RAB40B: variants seen among roughly 807,000 people sequenced by gnomAD.
RAB40B encodes the protein RAB40B, member RAS oncogene family.
A neutral mutation model predicts 24.0 loss-of-function variants in RAB40B; 21 were observed. The ratio of observed to expected loss-of-function variants is 0.88; its 90% CI spans 0.62 to 1.26. The LOEUF (loss-of-function observed/expected upper bound fraction) is 1.26. Among genes scored for constraint, RAB40B ranks in the 50% most tolerant of loss-of-function variants. The pLI, the probability that RAB40B is intolerant of heterozygous loss-of-function variation, is 0.00. For missense variants in RAB40B, 348 were observed against 390.5 expected, an observed-to-expected ratio of 0.89 and a Z score of 0.92; for synonymous variants, 167 against 169.8, an observed-to-expected ratio of 0.98 and a Z score of 0.13.
At chr17:82,682,375 T>C (rs1300582816) in intron 1 of RAB40B, among the ~76,000 whole-genome samples, 1 of 152,166 alleles carries the variant, frequency 6.6e-6, no homozygotes, top group African/African-American at 2.4e-5. Context: ...AAGACTTATA[T>C]ATTAAAAGCT....
intron 1 of RAB40B, among the ~76,000 whole-genome samples, chr17:82,672,346 TCA>T (rs1273525170): frequency 4.3e-5 from 2 of 46,716 alleles, no homozygotes; most frequent in Non-Finnish European, 1.3e-4. Flanking sequence ...ACACACACAC[TCA>T]CACGCTCCCT....
Position 82,692,679 on chromosome 17 carries a change from A to G in RAB40B, c.142+5776T>C, listed in dbSNP as rs2046570815. On this transcript the variant is annotated intron_variant, in intron 1 of 5. Coordinates refer to ENST00000571995, the MANE Select transcript of RAB40B (RefSeq NM_006822.3). This position sits in a 1 kb window ranked among gnomAD's most constrained non-coding sequence, Gnocchi z 4.0. Reference sequence around the variant, plus strand: ...AGCTGGAGGCAGCCATTCATGTCAAAGGTAAAACGATGCTTGTAGAGAACA... The same window carrying G: ...AGCTGGAGGCAGCCATTCATGTCAAGGGTAAAACGATGCTTGTAGAGAACA... 6.6e-6 allele frequency among the ~76,000 whole-genome samples: 1 copy of G among 152,232 alleles called. No individual in the cohort carries two copies. The highest frequency in any genetic ancestry group is 2.4e-5 in the African/African-American group (1 of 41,454).
chr17:82,660,681 CACAT>C (rs1487485043), intron 3 of RAB40B, among the ~76,000 whole-genome samples: 1 of 89,056 alleles, frequency 1.1e-5, no homozygotes, highest in Non-Finnish European at 2.7e-5. Context: ...TACCTGCACA[CACAT>C]GTACACACAC....
rs2046205368 is a variant in RAB40B, at chr17:82,663,668, C to G, written c.203+828G>C. Among the ~76,000 whole-genome samples, 1 of 152,058 alleles carries G rather than the reference C, an allele frequency of 6.6e-6. No homozygotes were observed. Among genetic ancestry groups the G allele is most frequent in the Admixed American group, 6.5e-5 (1 of 15,280 alleles). On this transcript the variant is annotated intron_variant, in intron 2 of 5. Coordinates refer to ENST00000571995, the MANE Select transcript of RAB40B (RefSeq NM_006822.3). The surrounding 1 kb of genome is among the most constrained non-coding windows in gnomAD (Gnocchi z 6.2). ...CGTCTGGGTCCTCCACCCGCAGGCC[C>G]GACCACAGCCCCGCTGGCACCAGGA...
intron 1 of RAB40B, among the ~76,000 whole-genome samples, chr17:82,679,008 A>G (rs2247910): frequency 0.63 from 94,753 of 149,748 alleles, 30,365 homozygotes; most frequent in Admixed American, 0.75. Context: ...TCAGCCTCCC[A>G]GGTAGCTGGG....
rs998448803 is a variant in RAB40B at position 82,686,694 on chromosome 17, G to T, written c.142+11761C>A. ...GGCCCAGGCAACACCTTCATTCTGG[G>T]CTTCTGGTCTCTAGAACTGTGAGAG... On this transcript the variant is annotated intron_variant, in intron 1 of 5. Transcript: ENST00000571995. 2.0e-5 allele frequency among the ~76,000 whole-genome samples: 3 copies of T among 152,308 alleles called. No homozygotes were observed. In the South Asian group the frequency reaches 6.2e-4, roughly 32 times the overall value.
chr17:82,662,493 GCC>G, intron 2 of RAB40B: 1 of 985,446 alleles, frequency 1.0e-6, no homozygotes, highest in Non-Finnish European at 1.2e-6. Flanking sequence ...GCAGAGCAGA[GCC>G]CAACCCCAGC....
chr17:82,695,896 G>A (rs1179777591), intron 1 of RAB40B, among the ~76,000 whole-genome samples: 1 of 151,754 alleles, frequency 6.6e-6, no homozygotes, highest in Non-Finnish European at 1.5e-5. Context: ...TTTTTTTTAA[G>A]ACAGAATTTC....
intron 1 of RAB40B, among the ~76,000 whole-genome samples, chr17:82,665,099 A>G (rs970642382): frequency 2.0e-5 from 3 of 152,196 alleles, no homozygotes; most frequent in Admixed American, 6.5e-5. Flanking sequence ...GTACATGTGC[A>G]TGTGAACCAC....
intron 1 of RAB40B, among the ~76,000 whole-genome samples, chr17:82,672,417 T>C (rs2046351368): frequency 6.9e-6 from 1 of 145,236 alleles, no homozygotes; most frequent in Non-Finnish European, 1.5e-5. Context: ...ACGCTCCCTG[T>C]ACAGTTTTGT....
intron 1 of RAB40B, among the ~76,000 whole-genome samples, chr17:82,672,118 C>A (rs367750435): frequency 1.3e-3 from 182 of 142,154 alleles, no homozygotes; most frequent in Middle Eastern, 8.0e-3. Context: ...AACTCTAACA[C>A]ACACACTCAC....
At chr17:82,666,444 C>T (rs2046258436) in intron 1 of RAB40B, among the ~76,000 whole-genome samples, 1 of 151,742 alleles carries the variant, frequency 6.6e-6, no homozygotes, top group Non-Finnish European at 1.5e-5. Context: ...GGGGTTTCAT[C>T]ATATCAGTCA....
intron 1 of RAB40B, among the ~76,000 whole-genome samples, chr17:82,665,109 C>T (rs928620564): frequency 1.3e-5 from 2 of 152,192 alleles, no homozygotes; most frequent in Non-Finnish European, 2.9e-5. Flanking sequence ...ATGTGAACCA[C>T]GCATGTGCAG....
intron 2 of RAB40B, chr17:82,661,968 G>A (rs1011471453): frequency 4.1e-6 from 4 of 985,134 alleles, no homozygotes; most frequent in East Asian, 1.1e-4. Flanking sequence ...CAGAGGAGGC[G>A]GCCCTGGGAC....
At position 82,663,551 on chromosome 17, in the gene RAB40B, C is replaced by T. The variant is rs3794727; in HGVS notation, c.203+945G>A. ...GGTGCTGGGGGAGGGAGAGGTGCCC[C>T]GGGCTTGCCCCAAGGTGAGGAGCTG... is the stretch of plus-strand genomic sequence containing the variant. On this transcript the variant is annotated intron_variant, in intron 2 of 5. Transcript: ENST00000571995. This position sits in a 1 kb window ranked among gnomAD's most constrained non-coding sequence, Gnocchi z 6.2. 0.26 allele frequency among the ~76,000 whole-genome samples: 40,049 copies of T among 151,982 alleles called. 5,903 individuals are homozygous for T. Among genetic ancestry groups the T allele is most frequent in the Middle Eastern group, 0.45 (131 of 294 alleles).
Position 82,663,858 on chromosome 17 carries a change from C to T in RAB40B, c.203+638G>A, listed in dbSNP as rs559816256. ...CCCAAAAGCCGATTCCCAGCCACAG[C>T]GCTATGTCCGTTCTGGGGTCCCCTA... On this transcript the variant is annotated intron_variant, in intron 2 of 5. Coordinates refer to ENST00000571995, the MANE Select transcript of RAB40B (RefSeq NM_006822.3). The surrounding 1 kb of genome is among the most constrained non-coding windows in gnomAD (Gnocchi z 6.2). Among the ~76,000 whole-genome samples the T allele has an allele frequency of 1.3e-5, 2 of 152,212 alleles. No individual in the cohort carries two copies. The highest frequency in any genetic ancestry group is 2.9e-5 in the Non-Finnish European group (2 of 68,032).
intron 2 of RAB40B, chr17:82,662,805 G>C (rs1374982545): frequency 1.0e-6 from 1 of 985,346 alleles, no homozygotes; most frequent in Non-Finnish European, 1.2e-6. Flanking sequence ...GCTGGGGTCA[G>C]GGAGGCGTTC....
intron 1 of RAB40B, among the ~76,000 whole-genome samples, chr17:82,665,498 C>G (rs1365016030): frequency 6.6e-6 from 1 of 152,182 alleles, no homozygotes; most frequent in African/African-American, 2.4e-5. Context: ...ACACAATCTG[C>G]CCGGCTCAGC....
intron 4 of RAB40B, chr17:82,659,092 G>A: frequency 3.8e-6 from 1 of 264,548 alleles, no homozygotes; most frequent in Non-Finnish European, 7.3e-6. Context: ...TTGGTTTTGG[G>A]CTCTGGCCTC....
Sources: gnomAD v4.1 joint callset for allele counts (sites outside exome capture counted in the v4.1 genomes callset) on GRCh38, gnomAD v4.1.1 for gene constraint, Gnocchi (gnomAD v3.1) non-coding constraint, MANE v1.5 for transcripts, NCBI Gene and HGNC (gene_info 2026-07-23, HGNC 2026-07-21) for gene names.